PDE10A: variants seen among roughly 807,000 people sequenced by gnomAD.
PDE10A encodes the protein phosphodiesterase 10A, also known as cAMP and cAMP-inhibited cGMP 3',5'-cyclic phosphodiesterase 10A.
Under a neutral mutation model 97.7 loss-of-function variants are expected in PDE10A, and 39 were observed. The observed-to-expected ratio is 0.40, with a 90% CI of 0.31 to 0.52. PDE10A has a LOEUF of 0.52. Among genes scored for constraint, PDE10A ranks in the 20% least tolerant of loss-of-function variants. The pLI is 0.56. For missense variants in PDE10A, 731 were observed against 1,047.8 expected, an observed-to-expected ratio of 0.70 and a Z score of 4.17; for synonymous variants, 371 against 376.8, an observed-to-expected ratio of 0.98 and a Z score of 0.18.
chr6:165,756,220 C>A (rs892005454), intron 1 of PDE10A, among the ~76,000 whole-genome samples: 1 of 152,174 alleles, frequency 6.6e-6, no homozygotes, highest in Non-Finnish European at 1.5e-5. Flanking sequence ...AAAAGATTGG[C>A]AAAGTCCTTC....
intron 1 of PDE10A, among the ~76,000 whole-genome samples, chr6:165,669,085 A>C (rs115856937): frequency 0.019 from 2,930 of 152,330 alleles, 100 homozygotes; most frequent in African/African-American, 0.067. Flanking sequence ...GCACACACAC[A>C]GTCTACCCAG....
In PDE10A at chr6:165,732,812, C is replaced by T. The variant is rs112055934; in HGVS notation, c.-614-189244G>A. On this transcript the variant is annotated intron_variant, in intron 1 of 19. Coordinates refer to the PDE10A transcript ENST00000366882. ...CCCAGTTCTGACTCCAGCTCTTCCC[C>T]GTTAGGATCTCCCCAGGGCTTCTCA... is the stretch of plus-strand genomic sequence containing the variant. 1.5e-4 allele frequency among the ~76,000 whole-genome samples: 23 copies of T among 152,332 alleles called. 1 individual carries two copies. In the South Asian group the frequency reaches 2.9e-3, roughly 19 times the overall value.
intron 2 of PDE10A, among the ~76,000 whole-genome samples, chr6:165,497,763 A>C (rs1780623679): frequency 6.6e-6 from 1 of 152,194 alleles, no homozygotes; most frequent in African/African-American, 2.4e-5. Flanking sequence ...CAGAGAGGCC[A>C]AGACATGGAA....
intron 1 of PDE10A, among the ~76,000 whole-genome samples, chr6:165,754,578 A>G (rs1793075976): frequency 6.6e-6 from 1 of 152,120 alleles, no homozygotes; most frequent in African/African-American, 2.4e-5. Context: ...ATATATATAT[A>G]TATGTGTGTG....
intron 1 of PDE10A, among the ~76,000 whole-genome samples, chr6:165,709,662 T>A: frequency 5.3e-5 from 1 of 18,770 alleles, no homozygotes; most frequent in Non-Finnish European, 9.3e-5. Flanking sequence ...TCCACCCCAA[T>A]GCTGCGGCTC....
chr6:165,591,015 C>T (rs1331260932), intron 1 of PDE10A, among the ~76,000 whole-genome samples: 1 of 152,034 alleles, frequency 6.6e-6, no homozygotes, highest in Non-Finnish European at 1.5e-5. Context: ...GAAAATGAGA[C>T]GGAGTTGCTT....
At chr6:165,955,991 T>C (rs975329168) in intron 1 of PDE10A, among the ~76,000 whole-genome samples, 2 of 152,212 alleles carry the variant, frequency 1.3e-5, no homozygotes, top group Non-Finnish European at 2.9e-5. Flanking sequence ...GCCTCAACAG[T>C]CACGTCTATA....
intron 1 of PDE10A, among the ~76,000 whole-genome samples, chr6:165,808,323 A>G (rs190568668): frequency 3.3e-5 from 5 of 152,316 alleles, no homozygotes; most frequent in African/African-American, 1.2e-4. Flanking sequence ...AGTCACATCC[A>G]TCTGCTGAAC....
intron 1 of PDE10A, among the ~76,000 whole-genome samples, chr6:165,804,635 C>T (rs955657050): frequency 3.9e-5 from 6 of 152,106 alleles, no homozygotes; most frequent in Admixed American, 2.0e-4. Flanking sequence ...CCTGGAAACC[C>T]GGGGGCCTTG....
intron 1 of PDE10A, among the ~76,000 whole-genome samples, chr6:165,751,488 T>C (rs572344826): frequency 1.0e-3 from 159 of 152,244 alleles, no homozygotes; most frequent in Admixed American, 1.9e-3. Flanking sequence ...CCTCTCCCCT[T>C]GGGGTGCCCT....
chr6:165,579,943 T>C (rs1785518527), intron 1 of PDE10A, among the ~76,000 whole-genome samples: 1 of 152,188 alleles, frequency 6.6e-6, no homozygotes, highest in Admixed American at 6.5e-5. Flanking sequence ...GTATTTAATA[T>C]TGTTGTCTCC....
chr6:165,697,600 C>T (rs1332030690), intron 1 of PDE10A, among the ~76,000 whole-genome samples: 3 of 152,124 alleles, frequency 2.0e-5, no homozygotes, highest in Non-Finnish European at 4.4e-5. Flanking sequence ...TTAAATGAAA[C>T]AAGCCAGTTA....
At chr6:165,645,248 G>A (rs6906809) in intron 1 of PDE10A, among the ~76,000 whole-genome samples, 23,088 of 152,090 alleles carry the variant, frequency 0.15, 1,868 homozygotes, top group South Asian at 0.25. Flanking sequence ...CTGTCCTCCT[G>A]AGCGGGGGCC....
At chr6:165,778,381 T>A (rs1330976913) in intron 1 of PDE10A, among the ~76,000 whole-genome samples, 1 of 152,244 alleles carries the variant, frequency 6.6e-6, no homozygotes, top group African/African-American at 2.4e-5. Context: ...ACATGTTTAT[T>A]TTCATTCAGT....
intron 1 of PDE10A, among the ~76,000 whole-genome samples, chr6:165,771,652 G>GACAA (rs1459179214): frequency 2.0e-4 from 4 of 19,770 alleles, no homozygotes; most frequent in African/African-American, 7.2e-4. Flanking sequence ...AGTTTAACAA[G>GACAA]ATAAAAAAAA....
chr6:165,375,263 C>T (rs1784544096), intron 18 of PDE10A, among the ~76,000 whole-genome samples: 1 of 152,178 alleles, frequency 6.6e-6, no homozygotes, highest in African/African-American at 2.4e-5. Flanking sequence ...TTGGGCCAAA[C>T]AGCCAAGTTG....
chr6:165,641,282 T>C (rs1789120511), intron 1 of PDE10A, among the ~76,000 whole-genome samples: 1 of 152,200 alleles, frequency 6.6e-6, no homozygotes. Flanking sequence ...CCTAGAAATA[T>C]GAGGTAGTTA....
At chr6:165,663,617 G>C (rs1049049321), upstream of PDE10A, among the ~76,000 whole-genome samples, 6 of 152,190 alleles carry the variant, frequency 3.9e-5, no homozygotes, top group African/African-American at 1.4e-4. Context: ...CCTTTGGTTG[G>C]AGTTTAAATC....
At chr6:165,727,788 T>C (rs2128450207) in intron 1 of PDE10A, among the ~76,000 whole-genome samples, 1 of 152,340 alleles carries the variant, frequency 6.6e-6, no homozygotes, top group South Asian at 2.1e-4. Flanking sequence ...ATAACTTAAA[T>C]AATCATGTTT....
Sources: gnomAD v4.1 joint callset for allele counts (sites outside exome capture counted in the v4.1 genomes callset) on GRCh38, gnomAD v4.1.1 for gene constraint, MANE v1.5 for transcripts, NCBI Gene and HGNC (gene_info 2026-07-23, HGNC 2026-07-21) for gene names.